The following ACTN4 variants were observed in gnomAD, a reference collection of about 807,000 sequenced individuals.
ACTN4 encodes the protein actinin alpha 4.
In ACTN4, 18 loss-of-function variants were observed where a neutral mutation model predicts 114.2. The observed-to-expected ratio is 0.16, with a 90% CI of 0.11 to 0.23. ACTN4 has a LOEUF of 0.23. Among genes scored for constraint, ACTN4 ranks in the 10% least tolerant of loss-of-function variants. The pLI, the probability that ACTN4 is intolerant of heterozygous loss-of-function variation, is 1.00. For synonymous variants in ACTN4, 515 were observed against 506.3 expected, an observed-to-expected ratio of 1.02 and a Z score of -0.23; for missense variants, 722 against 1,262.9, an observed-to-expected ratio of 0.57 and a Z score of 6.49.
chr19:38,691,187 G>T (rs1967911696), intron 1 of ACTN4, among the ~76,000 whole-genome samples: 1 of 152,076 alleles, frequency 6.6e-6, no homozygotes, highest in Non-Finnish European at 1.5e-5. Context: ...AGGCCGAGGT[G>T]GGCGGATCAC....
At position 38,710,239 on chromosome 19, in the gene ACTN4, C is replaced by CTTG; in HGVS notation, c.734-12_734-10dup. ...CCCGCCCTACTCGGGCAGTTTAACCCTTGTTGTTCACTTGCAGACATCGTG... is the reference window on the plus strand; with the variant it reads ...CCCGCCCTACTCGGGCAGTTTAACCCTTGTTGTTGTTCACTTGCAGACATCGTG... On this transcript the variant is annotated splice_polypyrimidine_tract_variant and intron_variant, in intron 7 of 20. Transcript: ENST00000252699. The CTTG allele has an allele frequency of 1.2e-6, 2 of 1,614,036 alleles. No individual in the cohort carries two copies. The highest frequency in any genetic ancestry group is 1.7e-6 in the Non-Finnish European group (2 of 1,179,960).
At position 38,721,615 on chromosome 19, in the gene ACTN4, G is replaced by C; in HGVS notation, c.1369G>C (p.Glu457Gln). 6.2e-7 allele frequency: 1 copy of C among 1,614,030 alleles called. No individual in the cohort carries two copies. The highest frequency in any genetic ancestry group is 8.5e-7 in the Non-Finnish European group (1 of 1,180,030). Residue 457 changes from glutamate to glutamine, a missense_variant, in exon 12 of 21, where the codon GAG (glutamate) becomes CAG (glutamine). By Grantham distance (29) the Glu-to-Gln change is conservative (BLOSUM62 2). Around this residue, in one of 3 missense-constraint regions of ACTN4, gnomAD observed 523 missense variants for 875.9 expected, o/e 0.60. Coordinates refer to ENST00000252699, the MANE Select transcript of ACTN4 (RefSeq NM_004924.6). ...CATCAAAGCCCTCATTCGCAAGCAC[G>C]AGGCCTTCGAGAGCGACCTGGCTGC... ...SDIKALIRKH[E>Q]AFESDLAAHQ...
intron 17 of ACTN4, 61 bp from the exon 18 acceptor site, chr19:38,726,896 G>T: frequency 6.2e-7 from 1 of 1,608,866 alleles, no homozygotes. Context: ...CTCCACGTGT[G>T]AACCACGGTG....
intron 8 of ACTN4, among the ~76,000 whole-genome samples, chr19:38,712,553 G>A (rs887471656): frequency 4.6e-5 from 7 of 152,016 alleles, no homozygotes; most frequent in African/African-American, 1.4e-4. Flanking sequence ...TCCCAGCCTC[G>A]GGCCAGAAAG....
At chr19:38,684,410 C>T (rs931226331) in intron 1 of ACTN4, among the ~76,000 whole-genome samples, 3 of 152,296 alleles carry the variant, frequency 2.0e-5, no homozygotes, top group African/African-American at 7.2e-5. Flanking sequence ...TGAACCCACA[C>T]CTTCCCAGTG....
At chr19:38,725,611 G>A in intron 16 of ACTN4, 113 bp from the exon 17 acceptor site, 1 of 1,277,354 alleles carries the variant, frequency 7.8e-7, no homozygotes, top group Non-Finnish European at 1.1e-6. Context: ...CAAGGCCCCA[G>A]GCCAAAGGGG....
Position 38,727,317 on chromosome 19 carries a change from G to C in ACTN4, c.2337+214G>C, listed in dbSNP as rs1456668603. Among the ~76,000 whole-genome samples, 1 of 152,180 alleles carries C rather than the reference G, an allele frequency of 6.6e-6. No homozygotes were observed. The highest frequency in any genetic ancestry group is 2.4e-5 in the African/African-American group (1 of 41,452). On this transcript the variant is annotated intron_variant, in intron 18 of 20. Coordinates refer to ENST00000252699, the MANE Select transcript of ACTN4 (RefSeq NM_004924.6). This position sits in a 1 kb window ranked among gnomAD's most constrained non-coding sequence, Gnocchi z 5.4. ...CTTCACACGCACAGGCAGGGGGCCG[G>C]AGGTCCCAAGTCCTGCCTTCTGGGG...
chr19:38,662,868 C>G (rs1201780285), intron 1 of ACTN4, among the ~76,000 whole-genome samples: 1 of 150,278 alleles, frequency 6.7e-6, no homozygotes, highest in East Asian at 1.9e-4. Context: ...GCAGTCACCA[C>G]TTGGGTAACA....
chr19:38,705,024 A>G lies in ACTN4; in HGVS notation c.484+4A>G. Reference sequence around the variant, plus strand: ...ATCCAGGACATCTCCGTGGAAGGTGACAGCCACCTGTACTGCCCCCGCTTC... The same window carrying G: ...ATCCAGGACATCTCCGTGGAAGGTGGCAGCCACCTGTACTGCCCCCGCTTC... On this transcript the variant is annotated splice_donor_region_variant and intron_variant, in intron 4 of 20. Transcript: ENST00000252699. The G allele has an allele frequency of 6.2e-7, 1 of 1,613,850 alleles. No homozygotes were observed. Among genetic ancestry groups the G allele is most frequent in the South Asian group, 1.1e-5 (1 of 91,076 alleles).
intron 1 of ACTN4, among the ~76,000 whole-genome samples, chr19:38,692,897 C>T (rs939059573): frequency 2.6e-5 from 4 of 152,112 alleles, no homozygotes; most frequent in Non-Finnish European, 5.9e-5. Context: ...CTCAAAGCAA[C>T]TGATGCCCCA....
At chr19:38,710,825 A>G (rs760738639) in intron 8 of ACTN4, 32 of 274,814 alleles carry the variant, frequency 1.2e-4, no homozygotes, top group Non-Finnish European at 1.1e-4. Flanking sequence ...TGAGACAGGA[A>G]GAAGCTTGGC....
At chr19:38,680,518 C>T (rs1258455824) in intron 1 of ACTN4, among the ~76,000 whole-genome samples, 1 of 152,042 alleles carries the variant, frequency 6.6e-6, no homozygotes, top group African/African-American at 2.4e-5. Flanking sequence ...TGAATGAATG[C>T]CCACGTGAGC....
chr19:38,686,592 T>A (rs1240262906), intron 1 of ACTN4, among the ~76,000 whole-genome samples: 1 of 152,200 alleles, frequency 6.6e-6, no homozygotes, highest in Non-Finnish European at 1.5e-5. Flanking sequence ...AGGTAGTTAT[T>A]TCAAGGTAGG....
chr19:38,649,997 G>C (rs555769178), intron 1 of ACTN4, among the ~76,000 whole-genome samples: 4 of 152,274 alleles, frequency 2.6e-5, no homozygotes, highest in Non-Finnish European at 4.4e-5. Flanking sequence ...TTTTTGAGGG[G>C]AAGGTGAGAT....
chr19:38,728,465 C>CCACCT, intron 19 of ACTN4: 1 of 991,548 alleles, frequency 1.0e-6, no homozygotes, highest in Middle Eastern at 4.0e-4. Flanking sequence ...CACCTCTCCC[C>CCACCT]CTCACCGCCT....
At chr19:38,669,451 A>G (rs115483175) in intron 1 of ACTN4, among the ~76,000 whole-genome samples, 2,151 of 152,310 alleles carry the variant, frequency 0.014, 58 homozygotes, top group African/African-American at 0.048. Context: ...TTGGAAAGGC[A>G]TAGGTGACCC....
chr19:38,648,147 A>C, intron 1 of ACTN4: 1 of 431,634 alleles, frequency 2.3e-6, no homozygotes, highest in Non-Finnish European at 4.0e-6. Context: ...GTCAAATAAA[A>C]GGAATCGGGA....
intron 1 of ACTN4, among the ~76,000 whole-genome samples, chr19:38,685,535 A>G (rs1461446987): frequency 6.6e-6 from 1 of 152,148 alleles, no homozygotes; most frequent in Non-Finnish European, 1.5e-5. Flanking sequence ...CAACCTCTGG[A>G]TCGAGGGGAC....
chr19:38,721,266 G>A (rs1011660009), intron 11 of ACTN4, among the ~76,000 whole-genome samples: 1 of 152,188 alleles, frequency 6.6e-6, no homozygotes, highest in Non-Finnish European at 1.5e-5. Flanking sequence ...AACAAAAGTT[G>A]CTAAGTTTAG....
Sources: gnomAD v4.1 joint callset for allele counts (sites outside exome capture counted in the v4.1 genomes callset) on GRCh38, gnomAD v4.1.1 for gene constraint, gnomAD v4.1.1 regional missense constraint, Gnocchi (gnomAD v3.1) non-coding constraint, MANE v1.5 for transcripts, NCBI Gene and HGNC (gene_info 2026-07-23, HGNC 2026-07-21) for gene names.